RANBP17: variants seen among roughly 807,000 people sequenced by gnomAD.
The protein encoded by RANBP17 is ran-binding protein 17.
A neutral mutation model predicts 141.2 loss-of-function variants in RANBP17; 158 were observed. The ratio of observed to expected loss-of-function variants is 1.12; its 90% CI spans 0.98 to 1.28. RANBP17 has a LOEUF of 1.28. RANBP17 is among the 50% of genes most tolerant of loss of function. RANBP17 has a pLI of 0.00. For synonymous variants in RANBP17, 430 were observed against 450.0 expected, an observed-to-expected ratio of 0.96 and a Z score of 0.56; for missense variants, 1,438 against 1,290.7, an observed-to-expected ratio of 1.11 and a Z score of -1.75.
intron 5 of RANBP17, among the ~76,000 whole-genome samples, chr5:170,901,708 C>G (rs993590494): frequency 6.6e-6 from 1 of 152,192 alleles, no homozygotes; most frequent in African/African-American, 2.4e-5. Context: ...TCTTGTAAGG[C>G]AGGCCTGGTG....
At chr5:171,062,059 A>G (rs537442234) in intron 14 of RANBP17, among the ~76,000 whole-genome samples, 3 of 151,422 alleles carry the variant, frequency 2.0e-5, no homozygotes, top group African/African-American at 7.3e-5. Context: ...GTGTCTCTGC[A>G]TGTGAGATGG....
chr5:171,093,961 T>C (rs1786495478), intron 14 of RANBP17, among the ~76,000 whole-genome samples: 1 of 152,176 alleles, frequency 6.6e-6, no homozygotes, highest in South Asian at 2.1e-4. Context: ...GCTAATGTTA[T>C]TTTACTTTAA....
intron 14 of RANBP17, among the ~76,000 whole-genome samples, chr5:171,100,862 G>C (rs908413017): frequency 6.6e-6 from 1 of 152,186 alleles, no homozygotes; most frequent in Non-Finnish European, 1.5e-5. Context: ...TATTTACCCA[G>C]TAGTCATTCA....
Position 170,930,140 on chromosome 5 carries a change from A to G in RANBP17, c.1468+5590A>G, listed in dbSNP as rs115313926. 2.7e-3 allele frequency among the ~76,000 whole-genome samples: 403 copies of G among 149,284 alleles called. 5 individuals are homozygous for G. The highest frequency in any genetic ancestry group is 0.014 in the Middle Eastern group (4 of 288). On this transcript the variant is annotated intron_variant, in intron 12 of 27. Transcript: ENST00000523189. ...TTTCATTGATCTTTATTCTTTCTTC[A>G]TTTTCTATTTCACTGATTTTTTTTC... is the stretch of plus-strand genomic sequence containing the variant.
At chr5:171,061,973 G>A (rs913207589) in intron 14 of RANBP17, among the ~76,000 whole-genome samples, 4 of 151,776 alleles carry the variant, frequency 2.6e-5, no homozygotes, top group African/African-American at 9.7e-5. Flanking sequence ...CAGAGACTAG[G>A]ATTGCAACCC....
At chr5:170,895,555 G>A (rs1242765498) in intron 4 of RANBP17, among the ~76,000 whole-genome samples, 2 of 152,110 alleles carry the variant, frequency 1.3e-5, no homozygotes, top group African/African-American at 2.4e-5. Flanking sequence ...TGTTAAAAGA[G>A]CCTAAGTGAT....
At position 171,160,812 on chromosome 5, in the gene RANBP17, G is replaced by A. The variant is rs572176963; in HGVS notation, c.1711-9318G>A. 1.2e-4 allele frequency among the ~76,000 whole-genome samples: 18 copies of A among 151,820 alleles called. 1 individual carries two copies. In the South Asian group the frequency reaches 3.5e-3, roughly 30 times the overall value. ...AGATTCTTTTTGGTTTTTTTTTTGAGATGAAGTCTCACTCTTGTCGCCCAG... is the reference window on the plus strand; with the variant it reads ...AGATTCTTTTTGGTTTTTTTTTTGAAATGAAGTCTCACTCTTGTCGCCCAG... On this transcript the variant is annotated intron_variant, in intron 14 of 27. Coordinates refer to ENST00000523189, the MANE Select transcript of RANBP17 (RefSeq NM_022897.5).
intron 14 of RANBP17, among the ~76,000 whole-genome samples, chr5:171,056,261 C>CCAG (rs1783365301): frequency 1.3e-5 from 2 of 152,136 alleles, no homozygotes; most frequent in African/African-American, 4.8e-5. Flanking sequence ...TCTAATGCCA[C>CCAG]AGTCTCCAAA....
chr5:171,280,285 G>C (rs1767775621), intron 25 of RANBP17, among the ~76,000 whole-genome samples: 1 of 151,924 alleles, frequency 6.6e-6, no homozygotes, highest in Non-Finnish European at 1.5e-5. Context: ...TTTTGTTTTT[G>C]TTTTTGTTTT....
chr5:171,201,563 T>C (rs1762298266), intron 19 of RANBP17, among the ~76,000 whole-genome samples: 1 of 152,244 alleles, frequency 6.6e-6, no homozygotes. Flanking sequence ...ATCGTGTCTC[T>C]TGCCACATTT....
chr5:170,872,365 A>G (rs1181543932), intron 1 of RANBP17, among the ~76,000 whole-genome samples: 2 of 152,116 alleles, frequency 1.3e-5, no homozygotes, highest in Admixed American at 6.6e-5. Flanking sequence ...TTGATTTTGT[A>G]TTGTGAGACT....
At chr5:170,888,275 T>A (rs1038017950) in intron 3 of RANBP17, among the ~76,000 whole-genome samples, 7 of 152,232 alleles carry the variant, frequency 4.6e-5, no homozygotes, top group African/African-American at 1.7e-4. Flanking sequence ...TCATTGGGAT[T>A]GCATTGAATC....
intron 14 of RANBP17, among the ~76,000 whole-genome samples, chr5:171,015,649 T>C (rs1780375683): frequency 6.6e-6 from 1 of 152,174 alleles, no homozygotes; most frequent in African/African-American, 2.4e-5. Context: ...ATTGCAGACA[T>C]ATTTTTTTGT....
chr5:171,146,434 C>T (rs1226556455), intron 14 of RANBP17, among the ~76,000 whole-genome samples: 1 of 152,146 alleles, frequency 6.6e-6, no homozygotes, highest in Non-Finnish European at 1.5e-5. Flanking sequence ...TTCTTCATTT[C>T]ACAGAGGAGA....
intron 14 of RANBP17, among the ~76,000 whole-genome samples, chr5:171,056,520 C>T (rs1339846164): frequency 7.9e-5 from 12 of 152,052 alleles, no homozygotes; most frequent in African/African-American, 2.7e-4. Context: ...AGGAGTTTCC[C>T]GTAATTTTGG....
intron 7 of RANBP17, chr5:170,911,516 G>C (rs1771524757): frequency 2.8e-6 from 2 of 719,134 alleles, no homozygotes. Flanking sequence ...ATCAGTGTTA[G>C]CAAAATCTGG....
At chr5:171,287,808 C>A (rs1193715224) in intron 25 of RANBP17, among the ~76,000 whole-genome samples, 2 of 152,044 alleles carry the variant, frequency 1.3e-5, no homozygotes, top group Non-Finnish European at 2.9e-5. Context: ...CTCACTGCAA[C>A]CTCCACCTCC....
chr5:170,871,358 C>G (rs1315092799), intron 1 of RANBP17, among the ~76,000 whole-genome samples: 1 of 152,072 alleles, frequency 6.6e-6, no homozygotes, highest in Non-Finnish European at 1.5e-5. Context: ...CTACATTTGC[C>G]CACTTTTTGA....
chr5:171,111,848 C>G (rs944627997), intron 14 of RANBP17, among the ~76,000 whole-genome samples: 1 of 152,164 alleles, frequency 6.6e-6, no homozygotes, highest in Non-Finnish European at 1.5e-5. Flanking sequence ...TTCCTTGTCT[C>G]TGGTCCCCTT....
Sources: gnomAD v4.1 joint callset for allele counts (sites outside exome capture counted in the v4.1 genomes callset) on GRCh38, gnomAD v4.1.1 for gene constraint, MANE v1.5 for transcripts, NCBI Gene and HGNC (gene_info 2026-07-23, HGNC 2026-07-21) for gene names.